ADGB: variants seen among roughly 807,000 people sequenced by gnomAD.
ADGB encodes the protein androglobin.
Under a neutral mutation model 210.5 loss-of-function variants are expected in ADGB, and 172 were observed. The ratio of observed to expected loss-of-function variants is 0.82; its 90% CI spans 0.72 to 0.93. The LOEUF (loss-of-function observed/expected upper bound fraction) is 0.93. Among genes scored for constraint, ADGB ranks in the 40% least tolerant of loss-of-function variants. The pLI is 0.00. For synonymous variants in ADGB, 658 were observed against 662.7 expected, an observed-to-expected ratio of 0.99 and a Z score of 0.11; for missense variants, 2,025 against 1,964.8, an observed-to-expected ratio of 1.03 and a Z score of -0.58.
At chr6:146,607,901 T>G (rs1780653874) in intron 1 of ADGB, among the ~76,000 whole-genome samples, 1 of 152,170 alleles carries the variant, frequency 6.6e-6, no homozygotes, top group Non-Finnish European at 1.5e-5. Context: ...GGTATCAGAA[T>G]GATGCTGGCC....
intron 8 of ADGB, among the ~76,000 whole-genome samples, chr6:146,674,663 G>A (rs1776062517): frequency 6.6e-6 from 1 of 152,270 alleles, no homozygotes; most frequent in South Asian, 2.1e-4. Context: ...AGATTCTCAC[G>A]GAGATTTAAA....
At chr6:146,807,644 T>A in intron 35 of ADGB, 1 of 1,347,660 alleles carries the variant, frequency 7.4e-7, no homozygotes, top group South Asian at 1.5e-5. Context: ...TTTGTAATGA[T>A]CTTTAACTGC....
At chr6:146,758,820 T>C (rs1365909955) in intron 27 of ADGB, among the ~76,000 whole-genome samples, 1 of 151,970 alleles carries the variant, frequency 6.6e-6, no homozygotes, top group Non-Finnish European at 1.5e-5. Context: ...CGAATTTGCA[T>C]GCAAGGAAAG....
At chr6:146,804,113 G>A (rs944709640) in intron 35 of ADGB, among the ~76,000 whole-genome samples, 10 of 152,012 alleles carry the variant, frequency 6.6e-5, no homozygotes, top group African/African-American at 2.2e-4. Flanking sequence ...AATTAGAGAT[G>A]ACAACAAATG....
intron 27 of ADGB, among the ~76,000 whole-genome samples, chr6:146,753,320 C>G (rs915949899): frequency 1.3e-5 from 2 of 152,034 alleles, no homozygotes; most frequent in Non-Finnish European, 2.9e-5. Context: ...CCAAAACACA[C>G]TAAATATTTT....
intron 27 of ADGB, among the ~76,000 whole-genome samples, chr6:146,760,120 T>C (rs1777464067): frequency 6.6e-6 from 1 of 151,888 alleles, no homozygotes; most frequent in Non-Finnish European, 1.5e-5. Flanking sequence ...ATTTTTAATT[T>C]TTTATTAAAG....
At chr6:146,792,891 T>C (rs1180041401) in intron 33 of ADGB, among the ~76,000 whole-genome samples, 1 of 152,166 alleles carries the variant, frequency 6.6e-6, no homozygotes, top group African/African-American at 2.4e-5. Context: ...TCCAGTGGGT[T>C]CCTGGTCTCG....
intron 35 of ADGB, chr6:146,802,871 T>C: frequency 6.2e-7 from 1 of 1,610,306 alleles, no homozygotes; most frequent in East Asian, 2.2e-5. Flanking sequence ...AGTAAGATGG[T>C]TTTCCTGTTC....
chr6:146,738,666 T>A (rs1291943321), intron 23 of ADGB, among the ~76,000 whole-genome samples: 1 of 152,034 alleles, frequency 6.6e-6, no homozygotes, highest in Non-Finnish European at 1.5e-5. Context: ...GCCAGGATGG[T>A]CTCGATCTCC....
rs1776934168 is a variant in ADGB, at chr6:146,728,636, T to C, written c.2415T>C (p.Ala805=). Residue 805 remains alanine (A), a synonymous_variant, in exon 20 of 36, where the codon GCT becomes GCC. Coordinates refer to ENST00000397944, the MANE Select transcript of ADGB (RefSeq NM_024694.4). ...LIMKAIGNVI[A]NFKDKGKLSA... ...TGAAAGCTATTGGAAATGTGATTGC[T>C]AATTTCAAAGATAAGGGTAAACTCT... The C allele has an allele frequency of 1.3e-6, 2 of 1,551,546 alleles. No homozygotes were observed. Among genetic ancestry groups the C allele is most frequent in the Admixed American group, 2.0e-5 (1 of 50,978 alleles).
chr6:146,643,124 G>A (rs546856525), intron 2 of ADGB, among the ~76,000 whole-genome samples: 10 of 151,950 alleles, frequency 6.6e-5, no homozygotes, highest in South Asian at 6.2e-4. Flanking sequence ...ACAGCTCCTG[G>A]AAATTCAGTC....
intron 26 of ADGB, among the ~76,000 whole-genome samples, chr6:146,748,800 A>C (rs557722433): frequency 6.6e-6 from 1 of 152,098 alleles, no homozygotes; most frequent in Non-Finnish European, 1.5e-5. Context: ...GGCTGGTCTC[A>C]AACTCTTGGC....
chr6:146,600,049 A>G (rs1411696480), intron 1 of ADGB, among the ~76,000 whole-genome samples: 2 of 152,104 alleles, frequency 1.3e-5, no homozygotes, highest in Non-Finnish European at 2.9e-5. Context: ...ACTGATCCCT[A>G]GGATTTAAAC....
intron 24 of ADGB, 82 bp downstream of exon 24, chr6:146,740,675 G>A: frequency 1.4e-6 from 2 of 1,388,848 alleles, no homozygotes; most frequent in Non-Finnish European, 1.9e-6. Flanking sequence ...TAGTAGTAAA[G>A]GTATTAGCTT....
chr6:146,744,085 G>T (rs1777195269), intron 25 of ADGB, among the ~76,000 whole-genome samples: 1 of 152,084 alleles, frequency 6.6e-6, no homozygotes, highest in Non-Finnish European at 1.5e-5. Context: ...GTGGTTCCCA[G>T]AACTGAATGC....
At chr6:146,756,153 G>T (rs548597576) in intron 27 of ADGB, among the ~76,000 whole-genome samples, 1 of 152,186 alleles carries the variant, frequency 6.6e-6, no homozygotes, top group South Asian at 2.1e-4. Flanking sequence ...TTGAGTCTCT[G>T]TCTTTTCCCA....
intron 35 of ADGB, chr6:146,807,497 C>T: frequency 6.4e-7 from 1 of 1,551,576 alleles, no homozygotes; most frequent in Non-Finnish European, 8.7e-7. Flanking sequence ...TGGAAGCTCT[C>T]TCTGCTCAGG....
At chr6:146,718,046 T>C (rs951898361) in intron 16 of ADGB, among the ~76,000 whole-genome samples, 1 of 152,144 alleles carries the variant, frequency 6.6e-6, no homozygotes, top group African/African-American at 2.4e-5. Context: ...ATTGCTGTTG[T>C]TCAGCTAATG....
rs188543788 is a variant in ADGB at position 146,761,138 on chromosome 6, G to T, written c.3551-2763G>T. On this transcript the variant is annotated intron_variant, in intron 27 of 35. Coordinates refer to ENST00000397944, the MANE Select transcript of ADGB (RefSeq NM_024694.4). ...GTTGTTAAAAAAATTAGTGCTATTT[G>T]TATTTTATCTAAGAAATATTTACCT... 9.9e-4 allele frequency among the ~76,000 whole-genome samples: 150 copies of T among 151,806 alleles called. 1 individual carries two copies. The South Asian group carries it at 0.016, about 16-fold the overall frequency.
Sources: gnomAD v4.1 joint callset for allele counts (sites outside exome capture counted in the v4.1 genomes callset) on GRCh38, gnomAD v4.1.1 for gene constraint, MANE v1.5 for transcripts, NCBI Gene and HGNC (gene_info 2026-07-23, HGNC 2026-07-21) for gene names.